Variants in PCYT1B observed in about 807,000 individuals in gnomAD.
The protein encoded by PCYT1B is phosphate cytidylyltransferase 1B, choline, also known as choline-phosphate cytidylyltransferase B.
Under a neutral mutation model 26.4 loss-of-function variants are expected in PCYT1B, and 10 were observed. The ratio of observed to expected loss-of-function variants is 0.38; its 90% CI spans 0.23 to 0.64. The LOEUF (loss-of-function observed/expected upper bound fraction) is 0.64. PCYT1B is among the 30% of genes least tolerant of loss of function. PCYT1B has a pLI of 0.56. For missense variants in PCYT1B, 161 were observed against 292.7 expected, an observed-to-expected ratio of 0.55 and a Z score of 3.28; for synonymous variants, 131 against 108.4, an observed-to-expected ratio of 1.21 and a Z score of -1.29.
chrX:24,632,857 T>A (rs1926142094), intron 1 of PCYT1B, among the ~76,000 whole-genome samples: 2 of 111,460 alleles, frequency 1.8e-5, no homozygotes, highest in Non-Finnish European at 3.8e-5. Context: ...TAAATTCTAA[T>A]GTTTGATAGC....
chrX:24,570,262 TTG>T (rs1923781052), intron 7 of PCYT1B, among the ~76,000 whole-genome samples: 2 of 109,279 alleles, frequency 1.8e-5, no homozygotes, highest in South Asian at 8.1e-4. Context: ...TGTCACAAAT[TTG>T]TTTTTTGAGG....
intron 1 of PCYT1B, among the ~76,000 whole-genome samples, chrX:24,662,168 AAAACAAAC>A (rs139220122): frequency 3.5e-4 from 38 of 108,867 alleles, no homozygotes; most frequent in African/African-American, 1.2e-3. Context: ...GACTGTCTCA[AAAACAAAC>A]AAACAAACAA....
At chrX:24,587,386 G>A (rs903164619) in intron 4 of PCYT1B, 67 bp from the exon 5 acceptor site, 1 of 716,664 alleles carries the variant, frequency 1.4e-6, no homozygotes, top group Admixed American at 2.3e-5. Context: ...ATTTGAAGGG[G>A]GGAATGGTGA....
intron 3 of PCYT1B, among the ~76,000 whole-genome samples, chrX:24,600,742 C>A (rs1924930986): frequency 9.0e-6 from 1 of 111,165 alleles, no homozygotes; most frequent in South Asian, 3.8e-4. Context: ...GACTTCAAAA[C>A]CTACTATAAA....
chrX:24,655,979 A>G (rs1926897615), intron 1 of PCYT1B, among the ~76,000 whole-genome samples: 2 of 104,791 alleles, frequency 1.9e-5, no homozygotes, highest in South Asian at 8.9e-4. Context: ...AAAAAAAAAA[A>G]AATTAGCCGA....
rs57642734 is a variant in PCYT1B, at chrX:24,623,364, CATATATATATATATATAT to C, written c.118-4298_118-4281del. On this transcript the variant is annotated intron_variant, in intron 1 of 7. Transcript: ENST00000379144. ...GGGTTTGGTTGGCACATGAGATTTACATATATATATATATATATATATATATATATATATAACTTTAAA... is the reference window on the plus strand; with the variant it reads ...GGGTTTGGTTGGCACATGAGATTTACATATATATATATATATAACTTTAAA... Among the ~76,000 whole-genome samples the C allele has an allele frequency of 1.4e-3, 113 of 79,558 alleles. 1 individual carries two copies. Among genetic ancestry groups the C allele is most frequent in the Middle Eastern group, 7.5e-3 (1 of 133 alleles). 69.1% of individuals were successfully genotyped at this position (79,558 alleles called of 115,157 possible).
At chrX:24,617,988 T>A (rs1035753738) in intron 2 of PCYT1B, among the ~76,000 whole-genome samples, 35 of 112,051 alleles carry the variant, frequency 3.1e-4, no homozygotes, top group African/African-American at 1.1e-3. Context: ...TCAGGCCAAA[T>A]GAATCTGCCA....
At position 24,575,221 on chromosome X, in the gene PCYT1B, T is replaced by C. The variant is rs1027189193; in HGVS notation, c.806A>G (p.Glu269Gly). Reference protein sequence around the residue: ...RSKEFVNRVEEKSHDLIQKWE... With the variant: ...RSKEFVNRVEGKSHDLIQKWE... The stretch of plus-strand genomic sequence containing the variant: ...CTTTTGAATTAGATCATGGCTCTTT[T>C]CTTCCACTCTGTTCACAAATTCCTT... Residue 269 changes from glutamate (E) to glycine (G), a missense_variant, in exon 7 of 8, where the codon GAA (glutamate) becomes GGA (glycine). This residue lies in a region of PCYT1B where 7 missense variants were observed against 40.9 expected (regional missense o/e 0.17). Coordinates refer to ENST00000379144, the MANE Select transcript of PCYT1B (RefSeq NM_004845.5). 1.7e-6 allele frequency: 2 copies of C among 1,203,493 alleles called. No homozygotes were observed. Among genetic ancestry groups the C allele is most frequent in the Non-Finnish European group, 2.2e-6 (2 of 889,945 alleles).
At chrX:24,615,043 C>G (rs969493308) in intron 2 of PCYT1B, among the ~76,000 whole-genome samples, 1 of 111,992 alleles carries the variant, frequency 8.9e-6, no homozygotes, top group African/African-American at 3.2e-5. Context: ...TGGTCTTGAA[C>G]TCCTGACCTC....
In PCYT1B at chrX:24,573,163, CATAT is replaced by C. The variant is rs1205089081; in HGVS notation, c.897+1963_897+1966del. Among the ~76,000 whole-genome samples, 123 of 24,583 alleles carry C rather than the reference CATAT, an allele frequency of 5.0e-3. 1 individual carries two copies. The highest frequency in any genetic ancestry group is 0.011 in the African/African-American group (120 of 11,008). 21.3% of individuals were successfully genotyped at this position (24,583 alleles called of 115,157 possible). A position where few individuals can be genotyped will look rare whatever the true frequency, so the allele number is the denominator to read the frequency against. ...ACACACACACACACACACACACACA[CATAT>C]ATATATATATTTTTGAGACAGAGTC... On this transcript the variant is annotated intron_variant, in intron 7 of 7. Coordinates refer to ENST00000379144, the MANE Select transcript of PCYT1B (RefSeq NM_004845.5).
intron 1 of PCYT1B, chrX:24,621,940 G>T: frequency 3.4e-6 from 1 of 296,360 alleles, no homozygotes. Flanking sequence ...TACTCAAAGG[G>T]GAAGAAAAGG....
At chrX:24,648,664 G>A (rs146382670), upstream of PCYT1B, among the ~76,000 whole-genome samples, 40 of 108,880 alleles carry the variant, frequency 3.7e-4, 1 homozygote, top group African/African-American at 1.3e-3. Flanking sequence ...AGCATCACCA[G>A]GGAACTTGTT....
chrX:24,590,927 G>A lies in PCYT1B; in HGVS notation c.335-753C>T, dbSNP rs772834250. On this transcript the variant is annotated intron_variant, in intron 3 of 7. Transcript: ENST00000379144. ...TCCTGCCTCAGCCTCCTGAGTAGCT[G>A]GGACTACAGGCTCCTGCCACCACCC... Among the ~76,000 whole-genome samples the A allele has an allele frequency of 2.8e-5, 3 of 108,762 alleles. No individual in the cohort carries two copies. The East Asian group carries it at 8.7e-4, about 32-fold the overall frequency. 94.4% of individuals were successfully genotyped at this position (108,762 alleles called of 115,157 possible).
intron 3 of PCYT1B, among the ~76,000 whole-genome samples, chrX:24,597,871 G>C (rs1342300513): frequency 1.8e-5 from 2 of 112,274 alleles, no homozygotes; most frequent in African/African-American, 3.2e-5. Context: ...CAAAGCAAAA[G>C]GAGCATTGGA....
intron 1 of PCYT1B, among the ~76,000 whole-genome samples, chrX:24,637,509 T>TATATATATATATATATATATATAAAA (rs779316769): frequency 3.1e-5 from 2 of 64,070 alleles, no homozygotes; most frequent in Admixed American, 2.2e-4. Flanking sequence ...TATATATATA[T>TATATATATATATATATATATATAAAA]ATAAATTAGC....
chrX:24,575,169 A>G lies in PCYT1B; in HGVS notation c.858T>C (p.Ile286=), dbSNP rs897133071. 3.3e-6 allele frequency: 4 copies of G among 1,206,465 alleles called. No homozygotes were observed. The African/African-American group carries it at 7.0e-5, about 21-fold the overall frequency. The change falls in exon 7 of 8, where the codon ATT becomes ATC. Residue 286 remains isoleucine, a synonymous_variant. Coordinates refer to ENST00000379144, the MANE Select transcript of PCYT1B (RefSeq NM_004845.5). ...GTCCAAACAGTTCTAGGAAGTTGCCAATGAATTCCCTTGACTTCTCTTCCC... is the reference window on the plus strand; with the variant it reads ...GTCCAAACAGTTCTAGGAAGTTGCCGATGAATTCCCTTGACTTCTCTTCCC... ...QKWEEKSREF[I]GNFLELFGPD... is the part of the protein sequence containing the mutation.
intron 3 of PCYT1B, among the ~76,000 whole-genome samples, chrX:24,600,916 A>G (rs536103118): frequency 1.1e-5 from 1 of 93,902 alleles, no homozygotes; most frequent in African/African-American, 3.6e-5. Context: ...AATGGAACAA[A>G]TGGACATTCA....
chrX:24,667,374 G>T (rs1043488232), intron 1 of PCYT1B, among the ~76,000 whole-genome samples: 3 of 110,980 alleles, frequency 2.7e-5, no homozygotes, highest in Non-Finnish European at 5.7e-5. Context: ...TAGAGGAATT[G>T]CAGGGAGATA....
chrX:24,663,091 A>G lies in PCYT1B; in HGVS notation c.63+9479T>C, dbSNP rs1441224732. ...TACTGTTGAAGTAGGTGGCAAGTAC[A>G]TGAACAGTACAAATGGTAATGTACT... On this transcript the variant is annotated intron_variant, in intron 1 of 7. Coordinates refer to the PCYT1B transcript ENST00000379145. Among the ~76,000 whole-genome samples the G allele has an allele frequency of 2.7e-5, 3 of 112,245 alleles. No homozygotes were observed. The Admixed American group carries it at 2.9e-4, about 11-fold the overall frequency.
Sources: allele counts gnomAD v4.1 joint callset (sites outside exome capture counted in the v4.1 genomes callset), GRCh38; gene constraint gnomAD v4.1.1; regional missense constraint gnomAD v4.1.1; transcripts MANE v1.5; gene names NCBI Gene and HGNC (gene_info 2026-07-23, HGNC 2026-07-21).